The following CARD9 variants were observed in gnomAD, a reference collection of about 807,000 sequenced individuals.
The protein encoded by CARD9 is caspase recruitment domain-containing protein 9.
Under a neutral mutation model 66.0 loss-of-function variants are expected in CARD9, and 53 were observed. The observed-to-expected ratio is 0.80, with a 90% CI of 0.64 to 1.01. The LOEUF (loss-of-function observed/expected upper bound fraction) is 1.01. Ranked by LOEUF, CARD9 falls within the 50% of genes least tolerant of loss-of-function variation. The probability of loss-of-function intolerance (pLI) is 0.00; values close to 1 mark genes in which losing one functional copy is unlikely to be tolerated. For synonymous variants in CARD9, 387 were observed against 313.8 expected (o/e 1.23, Z -2.47); for missense variants, 769 against 743.2 (o/e 1.03, Z -0.40).
Position 136,370,302 on chromosome 9 carries a change from GTCGGGCC to G in CARD9, c.936_942del (p.Glu312AspfsTer48). The stretch of plus-strand genomic sequence containing the variant: ...CCCGCCTGCCCTCCTACCCGGAGGC[GTCGGGCC>G]TCGCCCTGGCGGAGGTCCTTGCGCA... On this transcript the variant is annotated frameshift_variant, in exon 6 of 13. Coordinates refer to ENST00000371732, the MANE Select transcript of CARD9 (RefSeq NM_052813.5). LOFTEE classifies it high-confidence loss of function. 6.2e-7 allele frequency: 1 copy of G among 1,603,798 alleles called. No individual in the cohort carries two copies.
In CARD9 at chr9:136,364,116, G is replaced by A. The variant is rs1833052838; in HGVS notation, c.*186C>T. On this transcript the variant is annotated 3_prime_UTR_variant, in exon 13 of 13. Coordinates refer to ENST00000371732, the MANE Select transcript of CARD9 (RefSeq NM_052813.5). ...AGCACCCGCATGGCCTCCGCAAAAT[G>A]AGTGCCGCTTAACAAACGGCCCCAA... 1 of 1,550,448 alleles carries A rather than the reference G, an allele frequency of 6.4e-7. No homozygotes were observed. The highest frequency in any genetic ancestry group is 2.0e-5 in the Admixed American group (1 of 50,992).
chr9:136,369,731 T>C lies in CARD9; in HGVS notation c.1077+19A>G, dbSNP rs1266177758. On this transcript the variant is annotated intron_variant, in intron 7 of 12. Coordinates refer to ENST00000371732, the MANE Select transcript of CARD9 (RefSeq NM_052813.5). ...CACCCGCGAGTGGGGTGCTTTGTCC[T>C]GCCCCTGCGAGTGCCCACCTGGTCC... is the stretch of plus-strand genomic sequence containing the variant. 1 of 1,580,634 alleles carries C rather than the reference T, an allele frequency of 6.3e-7. No homozygotes were observed. The highest frequency in any genetic ancestry group is 2.3e-5 in the East Asian group (1 of 43,712).
chr9:136,372,169 AGACGCTGG>A (rs1833293310), intron 1 of CARD9, 75 bp from the exon 2 acceptor site: 1 of 1,568,580 alleles, frequency 6.4e-7, no homozygotes, highest in Non-Finnish European at 8.6e-7. Context: ...ACTCCTTCTC[AGACGCTGG>A]GCCAGGGCTC....
Position 136,364,033 on chromosome 9 carries a change from C to T in CARD9, c.*269G>A, listed in dbSNP as rs111473929. 15 of 1,479,362 alleles carry T rather than the reference C, an allele frequency of 1.0e-5. No individual in the cohort carries two copies. Among genetic ancestry groups the T allele is most frequent in the Non-Finnish European group, 1.4e-5 (15 of 1,082,280 alleles). The allele number at this position is 1,479,362 out of a possible 1,614,324, so 91.6% of individuals were successfully genotyped here. ...CAATGCATGCATGTATTGTGTGTTACATGGTGAAACAGAACAGATCCTGAA... is the reference window on the plus strand; with the variant it reads ...CAATGCATGCATGTATTGTGTGTTATATGGTGAAACAGAACAGATCCTGAA... On this transcript the variant is annotated 3_prime_UTR_variant, in exon 13 of 13. Coordinates refer to ENST00000371732, the MANE Select transcript of CARD9 (RefSeq NM_052813.5).
chr9:136,367,502 C>T (rs1438892503), intron 8 of CARD9, 135 bp downstream of exon 8: 1 of 1,131,010 alleles, frequency 8.8e-7, no homozygotes. Flanking sequence ...ACCCCACTGC[C>T]AGGAGGGGTT....
chr9:136,370,567 C>T lies in CARD9; in HGVS notation c.762G>A (p.Lys254=). ...QELLWELQQE[K]ALLQARVQEL... is the part of the protein sequence containing the mutation. The stretch of plus-strand genomic sequence containing the variant: ...CCTGCACCCGGGCCTGGAGCAGGGC[C>T]TTCTCCTGCTGCAGCTCCCACAGCA... Residue 254 remains lysine (K), a synonymous_variant, in exon 5 of 13, where the codon AAG becomes AAA. Transcript: ENST00000371732. The T allele has an allele frequency of 6.2e-7, 1 of 1,610,958 alleles. No homozygotes were observed.
At chr9:136,373,483 C>A in intron 1 of CARD9, 49 bp downstream of exon 1, 1 of 985,548 alleles carries the variant, frequency 1.0e-6, no homozygotes, top group Non-Finnish European at 1.2e-6. Context: ...TGAACTAGGC[C>A]AACGCCAACC....
rs1391748841 is a variant in CARD9, at chr9:136,364,539, C to T, written c.1455G>A (p.Gly485=). Reference sequence around the variant, plus strand: ...GCCGCCGCTCCTTCTCGGGCGGCTCCCCGCTGCTCAGGCCTGCGTCCTGGA... The same window carrying T: ...GCCGCCGCTCCTTCTCGGGCGGCTCTCCGCTGCTCAGGCCTGCGTCCTGGA... The part of the protein sequence containing the change: ...RNPHDAGLSS[G]EPPEKERRRL... The change falls in exon 12 of 13, where the codon GGG becomes GGA. Residue 485 remains glycine, a synonymous_variant. Transcript: ENST00000371732. The T allele has an allele frequency of 1.9e-6, 3 of 1,539,010 alleles. No homozygotes were observed. Among genetic ancestry groups the T allele is most frequent in the East Asian group, 4.9e-5 (2 of 40,930 alleles).
At position 136,365,077 on chromosome 9, in the gene CARD9, T is replaced by A. The variant is rs142477790; in HGVS notation, c.1434+64A>T. 4.0e-6 allele frequency: 6 copies of A among 1,506,410 alleles called. No homozygotes were observed. The African/African-American group carries it at 6.8e-5, about 17-fold the overall frequency. The allele number at this position is 1,506,410 out of a possible 1,614,324, so 93.3% of individuals were successfully genotyped here. On this transcript the variant is annotated intron_variant, in intron 11 of 12. Transcript: ENST00000371732. ...GGGGGTGCCCAGGGCAGGGAGCCAC[T>A]CTCCCTGTGATCGGTCACCCTGAGG...
At chr9:136,369,612 C>G (rs1833208202) in intron 7 of CARD9, 138 bp downstream of exon 7, 3 of 1,493,114 alleles carry the variant, frequency 2.0e-6, no homozygotes, top group Non-Finnish European at 2.7e-6. Flanking sequence ...TGAGGCCACC[C>G]TGGGTGACAT....
intron 10 of CARD9, chr9:136,365,556 A>C: frequency 2.8e-6 from 1 of 359,984 alleles, no homozygotes. Context: ...GTCCCCCATC[A>C]CTCCAAAGCA....
At chr9:136,370,211 T>C in intron 6 of CARD9, 83 bp downstream of exon 6, 1 of 1,546,534 alleles carries the variant, frequency 6.5e-7, no homozygotes, top group Non-Finnish European at 8.7e-7. Context: ...ACACCCCACC[T>C]TCCAGGCACG....
In CARD9 at chr9:136,364,300, G is replaced by A; in HGVS notation, c.*2C>T. On this transcript the variant is annotated 3_prime_UTR_variant, in exon 13 of 13. Coordinates refer to ENST00000371732, the MANE Select transcript of CARD9 (RefSeq NM_052813.5). ...CCCTGGTCGGGGCCTGCGCTGCTGCGGCTAGGAGCCCTCAGTGTCGGTGTT... is the reference window on the plus strand; with the variant it reads ...CCCTGGTCGGGGCCTGCGCTGCTGCAGCTAGGAGCCCTCAGTGTCGGTGTT... The A allele has an allele frequency of 2.6e-6, 4 of 1,555,958 alleles. No individual in the cohort carries two copies. Among genetic ancestry groups the A allele is most frequent in the South Asian group, 1.2e-5 (1 of 84,522 alleles).
intron 1 of CARD9, among the ~76,000 whole-genome samples, chr9:136,373,193 T>C (rs1025814751): frequency 2.0e-5 from 3 of 152,228 alleles, no homozygotes; most frequent in African/African-American, 7.2e-5. Flanking sequence ...TTTGAGGCAT[T>C]TCTCAACTTC....
chr9:136,369,476 G>A lies in CARD9; in HGVS notation c.1077+274C>T, dbSNP rs368270640. 3.1e-4 allele frequency among the ~76,000 whole-genome samples: 47 copies of A among 152,208 alleles called. No individual in the cohort carries two copies. In the East Asian group the frequency reaches 5.0e-3, roughly 16 times the overall value. On this transcript the variant is annotated intron_variant, in intron 7 of 12. Transcript: ENST00000371732. ...GTGGGGAAGTATTGACTTCATCATC[G>A]TTTACTTTTTTTTAGTGTTAAGTAT...
intron 2 of CARD9, 68 bp from the exon 3 acceptor site, chr9:136,371,529 T>TGGGGGGGGGGGGGGGGGGGCCCG: frequency 2.0e-6 from 1 of 490,342 alleles, no homozygotes; most frequent in Non-Finnish European, 3.7e-6. Context: ...TGGGTGGGCC[T>TGGGGGGGGGGGGGGGGGGGCCCG]GGGGGCAGGG....
rs1298101332 is a variant in CARD9, at chr9:136,371,323, C to T, written c.322+1G>A. 1 of 1,602,284 alleles carries T rather than the reference C, an allele frequency of 6.2e-7. No individual in the cohort carries two copies. Among genetic ancestry groups the T allele is most frequent in the Non-Finnish European group, 8.5e-7 (1 of 1,174,980 alleles). On this transcript the variant is annotated splice_donor_variant, in intron 3 of 12. Coordinates refer to ENST00000371732, the MANE Select transcript of CARD9 (RefSeq NM_052813.5). LOFTEE classifies it high-confidence loss of function. The stretch of plus-strand genomic sequence containing the variant: ...TCGGCCCCGCCTCCCCCGTCACTCA[C>T]CGATGATCATGGAGAAGACGCGGGC...
At chr9:136,365,306 G>A in intron 10 of CARD9, 89 bp from the exon 11 acceptor site, 1 of 1,292,618 alleles carries the variant, frequency 7.7e-7, no homozygotes, top group Non-Finnish European at 1.1e-6. Context: ...CATTGCAGTG[G>A]GGCTGTCTTC....
chr9:136,370,014 C>T (rs2131442324), intron 6 of CARD9, 139 bp from the exon 7 acceptor site: 4 of 1,492,382 alleles, frequency 2.7e-6, no homozygotes, highest in South Asian at 2.5e-5. Flanking sequence ...TCCCCAGGCC[C>T]CTACCAGCCC....
Sources: allele counts gnomAD v4.1 joint callset (sites outside exome capture counted in the v4.1 genomes callset), GRCh38; gene constraint gnomAD v4.1.1; transcripts MANE v1.5; gene names NCBI Gene and HGNC (gene_info 2026-07-23, HGNC 2026-07-21).